Variants in PIBF1 observed in about 807,000 individuals in gnomAD.
PIBF1 encodes the protein progesterone immunomodulatory binding factor 1, also known as progesterone-induced-blocking factor 1.
PIBF1 carries 90 observed loss-of-function variants against 112.5 expected under a neutral mutation model. That is an observed-to-expected ratio of 0.80 (90% CI 0.67 to 0.95). The LOEUF (loss-of-function observed/expected upper bound fraction) is 0.95. Ranked by LOEUF, PIBF1 falls within the 40% of genes least tolerant of loss-of-function variation. The pLI, the probability that PIBF1 is intolerant of heterozygous loss-of-function variation, is 0.00. For missense variants in PIBF1, 915 were observed against 852.3 expected (o/e 1.07, Z -0.92); for synonymous variants, 301 against 288.6 (o/e 1.04, Z -0.44).
chr13:72,829,967 TGTA>T (rs568930644), intron 8 of PIBF1, among the ~76,000 whole-genome samples: 147 of 152,314 alleles, frequency 9.7e-4, no homozygotes, highest in African/African-American at 3.3e-3. Flanking sequence ...AGCAGTGGTT[TGTA>T]GTTCTCCTTG....
chr13:72,858,658 A>C (rs2038553812), intron 10 of PIBF1, among the ~76,000 whole-genome samples: 1 of 152,048 alleles, frequency 6.6e-6, no homozygotes, highest in Admixed American at 6.5e-5. Context: ...ATAAATATGT[A>C]CCCTCTTTTG....
intron 10 of PIBF1, among the ~76,000 whole-genome samples, chr13:72,856,837 A>C (rs2038443519): frequency 6.6e-6 from 1 of 152,186 alleles, no homozygotes. Context: ...TTCATGTCAA[A>C]ATTTTCAAAT....
At chr13:72,786,032 T>G (rs1359277383) in intron 2 of PIBF1, among the ~76,000 whole-genome samples, 8 of 152,226 alleles carry the variant, frequency 5.3e-5, no homozygotes, top group African/African-American at 9.6e-5. Flanking sequence ...TCCTTAATGT[T>G]TTTATTCCGT....
chr13:72,822,275 G>T (rs2036592788), intron 6 of PIBF1, among the ~76,000 whole-genome samples: 1 of 151,606 alleles, frequency 6.6e-6, no homozygotes, highest in Non-Finnish European at 1.5e-5. Flanking sequence ...TTATGTAGTG[G>T]AATCAATTTA....
chr13:72,987,862 T>TTTA (rs1566522287), intron 16 of PIBF1, among the ~76,000 whole-genome samples: 2 of 87,088 alleles, frequency 2.3e-5, no homozygotes, highest in African/African-American at 5.6e-5. Flanking sequence ...TTATTTATTT[T>TTTA]TTTTTTTTTT....
intron 10 of PIBF1, among the ~76,000 whole-genome samples, chr13:72,862,334 A>C (rs575271026): frequency 2.0e-5 from 3 of 152,354 alleles, no homozygotes; most frequent in African/African-American, 7.2e-5. Context: ...AGCTGCATGC[A>C]GTGGCATGCC....
intron 3 of PIBF1, among the ~76,000 whole-genome samples, chr13:72,794,121 G>T (rs1425454323): frequency 6.6e-6 from 1 of 152,198 alleles, no homozygotes; most frequent in Non-Finnish European, 1.5e-5. Context: ...TGTCTTGGAA[G>T]CCAGGTGATG....
chr13:72,894,772 A>ATAGTGTGT (rs1491462402), intron 11 of PIBF1, among the ~76,000 whole-genome samples: 1,459 of 137,146 alleles, frequency 0.011, 20 homozygotes, highest in African/African-American at 0.039. Context: ...ATATATATAT[A>ATAGTGTGT]GTGTGTGTGT....
intron 16 of PIBF1, among the ~76,000 whole-genome samples, chr13:72,996,073 CAAAAA>C (rs1303404430): frequency 3.7e-5 from 1 of 27,390 alleles, no homozygotes; most frequent in Non-Finnish European, 7.2e-5. Context: ...TTCTTCATAA[CAAAAA>C]AAAAAAAGCG....
intron 14 of PIBF1, among the ~76,000 whole-genome samples, chr13:72,944,547 CTT>C (rs932550247): frequency 1.3e-5 from 2 of 151,810 alleles, no homozygotes; most frequent in African/African-American, 4.8e-5. Flanking sequence ...AATTTCTGCT[CTT>C]ATCAAATGCA....
At chr13:72,861,688 A>G (rs1014670186) in intron 10 of PIBF1, among the ~76,000 whole-genome samples, 2 of 152,062 alleles carry the variant, frequency 1.3e-5, no homozygotes, top group African/African-American at 2.4e-5. Context: ...GCTTCAGCCT[A>G]CTGAGTCGCT....
intron 5 of PIBF1, among the ~76,000 whole-genome samples, chr13:72,818,371 T>G (rs1034917498): frequency 6.6e-6 from 1 of 152,156 alleles, no homozygotes; most frequent in Admixed American, 6.5e-5. Context: ...GTTACTTATG[T>G]GATTAATTCA....
intron 15 of PIBF1, among the ~76,000 whole-genome samples, chr13:72,966,908 C>CA (rs1159051583): frequency 6.8e-6 from 1 of 147,366 alleles, no homozygotes; most frequent in Non-Finnish European, 1.5e-5. Context: ...GACTCTGTCT[C>CA]AAAAAAATTA....
chr13:72,839,717 A>G (rs796984260), intron 9 of PIBF1, among the ~76,000 whole-genome samples: 5 of 152,160 alleles, frequency 3.3e-5, no homozygotes, highest in African/African-American at 1.2e-4. Context: ...CTCATTTTTT[A>G]GGTTTTTGCT....
intron 3 of PIBF1, among the ~76,000 whole-genome samples, chr13:72,793,347 G>A (rs537865948): frequency 2.0e-5 from 3 of 151,848 alleles, no homozygotes; most frequent in African/African-American, 7.3e-5. Flanking sequence ...AAAAATTATC[G>A]GACCTTTTTA....
rs1474909719 is a variant in PIBF1 at position 72,844,785 on chromosome 13, A to ACG, written c.1224-9271_1224-9270insGC. Among the ~76,000 whole-genome samples the ACG allele has an allele frequency of 9.8e-4, 123 of 125,094 alleles. 3 individuals are homozygous for ACG. Among genetic ancestry groups the ACG allele is most frequent in the African/African-American group, 3.6e-3 (120 of 33,542 alleles). 82.1% of individuals were successfully genotyped at this position (125,094 alleles called of 152,430 possible). A position where few individuals can be genotyped will look rare whatever the true frequency, so the allele number is the denominator to read the frequency against. On this transcript the variant is annotated intron_variant, in intron 9 of 17. Transcript: ENST00000326291. ...CACACACACACACACACACACACAC[A>ACG]CACACACACACACACGGATGAAGTC... is the stretch of plus-strand genomic sequence containing the variant.
At chr13:72,977,959 A>G (rs1306500587) in intron 16 of PIBF1, among the ~76,000 whole-genome samples, 2 of 152,200 alleles carry the variant, frequency 1.3e-5, no homozygotes, top group Admixed American at 1.3e-4. Context: ...GACTTTTCAG[A>G]CTACAAAGCT....
chr13:72,931,871 T>A (rs1453812195), intron 14 of PIBF1, among the ~76,000 whole-genome samples: 7 of 150,094 alleles, frequency 4.7e-5, no homozygotes, highest in Admixed American at 4.7e-4. Flanking sequence ...ATGTTCCTTT[T>A]ATTTATTTAT....
At chr13:72,971,688 A>G (rs1049943343) in intron 15 of PIBF1, among the ~76,000 whole-genome samples, 1 of 152,188 alleles carries the variant, frequency 6.6e-6, no homozygotes, top group African/African-American at 2.4e-5. Context: ...GTCCTTTGAC[A>G]TACATGAGTA....
Sources: gnomAD v4.1 joint callset for allele counts (sites outside exome capture counted in the v4.1 genomes callset) on GRCh38, gnomAD v4.1.1 for gene constraint, MANE v1.5 for transcripts, NCBI Gene and HGNC (gene_info 2026-07-23, HGNC 2026-07-21) for gene names.